MIPEP: variants seen among roughly 807,000 people sequenced by gnomAD.
MIPEP encodes the protein mitochondrial intermediate peptidase.
A neutral mutation model predicts 90.3 loss-of-function variants in MIPEP; 79 were observed. The ratio of observed to expected loss-of-function variants is 0.87; its 90% CI spans 0.73 to 1.05. The LOEUF (loss-of-function observed/expected upper bound fraction) is 1.05, where lower values mean the gene tolerates loss of function less well. Ranked by LOEUF, MIPEP falls within the 50% of genes least tolerant of loss-of-function variation. The pLI, the probability that MIPEP is intolerant of heterozygous loss-of-function variation, is 0.00. For synonymous variants in MIPEP, 334 were observed against 315.8 expected (o/e 1.06, Z -0.61); for missense variants, 940 against 905.6 (o/e 1.04, Z -0.49).
At chr13:23,841,265 C>G in intron 11 of MIPEP, 70 bp downstream of exon 11, 1 of 1,399,046 alleles carries the variant, frequency 7.1e-7, no homozygotes, top group Non-Finnish European at 9.7e-7. Flanking sequence ...AAACCTGAAA[C>G]TGCTGTTGAC....
chr13:23,740,056 T>A (rs1272429709), intron 18 of MIPEP, among the ~76,000 whole-genome samples: 1 of 152,202 alleles, frequency 6.6e-6, no homozygotes, highest in Non-Finnish European at 1.5e-5. Flanking sequence ...GAGGGTGATT[T>A]TGTCAGGGCA....
intron 3 of MIPEP, among the ~76,000 whole-genome samples, chr13:23,880,534 C>T (rs1430126876): frequency 6.6e-6 from 1 of 152,182 alleles, no homozygotes; most frequent in Non-Finnish European, 1.5e-5. Flanking sequence ...GAGACCAGCC[C>T]ACGTCTAATT....
chr13:23,889,007 A>G, intron 1 of MIPEP, 125 bp downstream of exon 1: 1 of 918,396 alleles, frequency 1.1e-6, no homozygotes, highest in South Asian at 3.0e-5. Flanking sequence ...ACGCCACTGT[A>G]AAAGGTGGGT....
At chr13:23,787,062 C>T (rs1316191768) in intron 16 of MIPEP, among the ~76,000 whole-genome samples, 3 of 152,104 alleles carry the variant, frequency 2.0e-5, no homozygotes, top group African/African-American at 7.2e-5. Context: ...CAGCTTGACA[C>T]GCAGGTAAGT....
At chr13:23,770,126 G>A (rs559847873) in intron 16 of MIPEP, among the ~76,000 whole-genome samples, 14 of 152,126 alleles carry the variant, frequency 9.2e-5, no homozygotes, top group Non-Finnish European at 1.5e-4. Context: ...CAGAAAATGG[G>A]CTAGGAAAGG....
At chr13:23,853,214 T>C (rs1246384833) in intron 10 of MIPEP, among the ~76,000 whole-genome samples, 1 of 152,180 alleles carries the variant, frequency 6.6e-6, no homozygotes, top group Non-Finnish European at 1.5e-5. Flanking sequence ...AAGTCAATAA[T>C]GGTGTACGGT....
intron 7 of MIPEP, among the ~76,000 whole-genome samples, chr13:23,866,385 C>G (rs1324532840): frequency 1.3e-5 from 2 of 152,154 alleles, no homozygotes; most frequent in Non-Finnish European, 2.9e-5. Flanking sequence ...AGCCCCCTGC[C>G]AATACATCAG....
intron 10 of MIPEP, among the ~76,000 whole-genome samples, chr13:23,848,427 A>G (rs765400779): frequency 2.0e-5 from 3 of 151,324 alleles, no homozygotes; most frequent in East Asian, 1.9e-4. Context: ...ACTTTCATTA[A>G]TCACCTGCCA....
intron 18 of MIPEP, among the ~76,000 whole-genome samples, chr13:23,748,185 T>TA (rs1952404124): frequency 2.0e-5 from 3 of 152,168 alleles, no homozygotes; most frequent in Non-Finnish European, 4.4e-5. Context: ...TGACTACAGG[T>TA]GCATGCCACC....
intron 18 of MIPEP, among the ~76,000 whole-genome samples, chr13:23,741,825 T>TA (rs201239803): frequency 0.21 from 31,030 of 148,754 alleles, 4,187 homozygotes; most frequent in Non-Finnish European, 0.31. Context: ...AAAAAAAATT[T>TA]AAAAAAAAAA....
intron 16 of MIPEP, among the ~76,000 whole-genome samples, chr13:23,765,160 C>T (rs1952580629): frequency 6.6e-6 from 1 of 152,156 alleles, no homozygotes; most frequent in African/African-American, 2.4e-5. Flanking sequence ...AATCACAGGA[C>T]TTGAACATGC....
intron 16 of MIPEP, among the ~76,000 whole-genome samples, chr13:23,800,709 C>G (rs1953026213): frequency 6.6e-6 from 1 of 152,294 alleles, no homozygotes; most frequent in Middle Eastern, 3.4e-3. Flanking sequence ...ATCTGTGGAG[C>G]TGCCCCTATT....
chr13:23,858,169 C>T (rs2137495215), intron 10 of MIPEP, among the ~76,000 whole-genome samples: 1 of 152,010 alleles, frequency 6.6e-6, no homozygotes, highest in East Asian at 1.9e-4. Context: ...CAGCTATAAA[C>T]ATTTTAAAGT....
chr13:23,889,150 G>T lies in MIPEP; in HGVS notation c.171C>A (p.Asp57Glu), dbSNP rs766058857. ...FNVKPQGSRL[D>E]LFGERRGLFG... Reference sequence around the variant, plus strand: ...CGCTCACCCGGCGCTCGCCGAACAGGTCCAAGCGGCTGCCCTGGGGCTTGA... The same window carrying T: ...CGCTCACCCGGCGCTCGCCGAACAGTTCCAAGCGGCTGCCCTGGGGCTTGA... The change falls in exon 1 of 19, where the codon GAC becomes GAA. Residue 57 changes from aspartate to glutamate, a missense_variant. Physicochemically the swap from Asp to Glu is conservative, Grantham distance 45 (BLOSUM62 2). Transcript: ENST00000382172. 1.4e-6 allele frequency: 2 copies of T among 1,459,640 alleles called. No homozygotes were observed. The highest frequency in any genetic ancestry group is 1.8e-6 in the Non-Finnish European group (2 of 1,107,300). 90.4% of individuals were successfully genotyped at this position (1,459,640 alleles called of 1,614,324 possible).
chr13:23,879,228 G>C (rs114708398), intron 4 of MIPEP, 40 bp downstream of exon 4: 2 of 1,230,602 alleles, frequency 1.6e-6, no homozygotes, highest in Admixed American at 3.6e-5. Flanking sequence ...CTCACCTCTA[G>C]AGTCACAGTC....
chr13:23,858,726 G>T, intron 10 of MIPEP, 134 bp downstream of exon 10: 2 of 729,502 alleles, frequency 2.7e-6, no homozygotes, highest in South Asian at 3.2e-5. Flanking sequence ...GAGTGGAGCA[G>T]ACCACGCCAG....
intron 14 of MIPEP, among the ~76,000 whole-genome samples, chr13:23,814,732 G>A (rs974786701): frequency 3.3e-5 from 5 of 152,116 alleles, no homozygotes; most frequent in African/African-American, 7.2e-5. Flanking sequence ...CCTGACCATC[G>A]AAATGGCTGC....
chr13:23,764,985 A>G (rs1952579286), intron 16 of MIPEP, among the ~76,000 whole-genome samples: 1 of 152,238 alleles, frequency 6.6e-6, no homozygotes. Flanking sequence ...GAACAACACA[A>G]GTGGATCCAC....
rs1260686695 is a variant in MIPEP at position 23,833,894 on chromosome 13, AC to A, written c.1653+2345del. 5.9e-5 allele frequency among the ~76,000 whole-genome samples: 9 copies of A among 151,446 alleles called. No individual in the cohort carries two copies. In the South Asian group the frequency reaches 1.9e-3, roughly 32 times the overall value. On this transcript the variant is annotated intron_variant, in intron 14 of 18. Coordinates refer to ENST00000382172, the MANE Select transcript of MIPEP (RefSeq NM_005932.4). ...GCAGCGGCCACCTCCGAAACCTCAG[AC>A]TCCTCAAACTCGCAGAAACCCCTCC... is the stretch of plus-strand genomic sequence containing the variant.
Sources: allele counts gnomAD v4.1 joint callset (sites outside exome capture counted in the v4.1 genomes callset), GRCh38; gene constraint gnomAD v4.1.1; transcripts MANE v1.5; gene names NCBI Gene and HGNC (gene_info 2026-07-23, HGNC 2026-07-21).